The following SDK1 variants were observed in gnomAD, a reference collection of about 807,000 sequenced individuals.
SDK1 encodes protein sidekick-1.
Under a neutral mutation model 245.5 loss-of-function variants are expected in SDK1, and 157 were observed. The ratio of observed to expected loss-of-function variants is 0.64; its 90% CI spans 0.56 to 0.73. The LOEUF (loss-of-function observed/expected upper bound fraction) is 0.73, where lower values mean the gene tolerates loss of function less well. Among genes scored for constraint, SDK1 ranks in the 30% least tolerant of loss-of-function variants. The probability of loss-of-function intolerance (pLI) is 0.00; values close to 1 mark genes in which losing one functional copy is unlikely to be tolerated. For missense variants in SDK1, 3,583 were observed against 3,002.3 expected (o/e 1.19, Z -4.52); for synonymous variants, 1,647 against 1,278.5 (o/e 1.29, Z -6.15).
chr7:3,809,509 C>T (rs1220037180), intron 4 of SDK1, among the ~76,000 whole-genome samples: 1 of 152,112 alleles, frequency 6.6e-6, no homozygotes, highest in Non-Finnish European at 1.5e-5. Flanking sequence ...TGTCACTCGG[C>T]AATCGAAAAG....
rs546371165 is a variant in SDK1, at chr7:3,441,078, T to A, written c.298+139194T>A. 3.3e-5 allele frequency among the ~76,000 whole-genome samples: 5 copies of A among 152,310 alleles called. 1 individual carries two copies. Among genetic ancestry groups the A allele is most frequent in the African/African-American group, 1.2e-4 (5 of 41,566 alleles). Reference sequence around the variant, plus strand: ...CTACTTCATCTCATTACATAGGCATTGTACCATGTCACATCATTACAAGAA... The same window carrying A: ...CTACTTCATCTCATTACATAGGCATAGTACCATGTCACATCATTACAAGAA... On this transcript the variant is annotated intron_variant, in intron 1 of 44. Coordinates refer to ENST00000404826, the MANE Select transcript of SDK1 (RefSeq NM_152744.4).
At chr7:3,927,244 G>C (rs1779804942) in intron 5 of SDK1, among the ~76,000 whole-genome samples, 1 of 152,130 alleles carries the variant, frequency 6.6e-6, no homozygotes, top group Non-Finnish European at 1.5e-5. Context: ...TCTTAAAAAA[G>C]TAACGTTCCA....
At chr7:3,526,690 C>A (rs1316101377) in intron 1 of SDK1, among the ~76,000 whole-genome samples, 1 of 152,028 alleles carries the variant, frequency 6.6e-6, no homozygotes, top group East Asian at 1.9e-4. Flanking sequence ...TCAAGTTTTT[C>A]TTCATGCCAT....
intron 22 of SDK1, among the ~76,000 whole-genome samples, chr7:4,082,857 G>A (rs1230199679): frequency 2.0e-5 from 3 of 152,096 alleles, no homozygotes; most frequent in African/African-American, 7.2e-5. Context: ...CTGAGTTCAA[G>A]CGATCTGTCA....
At chr7:3,847,090 C>T (rs1482137693) in intron 5 of SDK1, among the ~76,000 whole-genome samples, 2 of 151,310 alleles carry the variant, frequency 1.3e-5, no homozygotes, top group African/African-American at 4.9e-5. Flanking sequence ...AAGCATTGTT[C>T]TTGTGGAGAG....
At chr7:4,193,886 A>G (rs1201409441) in intron 35 of SDK1, among the ~76,000 whole-genome samples, 1 of 152,136 alleles carries the variant, frequency 6.6e-6, no homozygotes, top group Admixed American at 6.6e-5. Flanking sequence ...TTCTCCACAC[A>G]TGGTCAGAGG....
At chr7:3,360,753 C>G (rs2128560555) in intron 1 of SDK1, among the ~76,000 whole-genome samples, 1 of 152,290 alleles carries the variant, frequency 6.6e-6, no homozygotes, top group South Asian at 2.1e-4. Context: ...TTCTGTCAGT[C>G]TGACTGTATT....
At chr7:3,818,388 T>G (rs1410473718) in intron 4 of SDK1, among the ~76,000 whole-genome samples, 1 of 152,212 alleles carries the variant, frequency 6.6e-6, no homozygotes, top group African/African-American at 2.4e-5. Flanking sequence ...GTTCTTTTCA[T>G]TACCTTCTGA....
intron 4 of SDK1, among the ~76,000 whole-genome samples, chr7:3,708,086 G>A (rs1352910343): frequency 6.6e-6 from 1 of 152,124 alleles, no homozygotes; most frequent in Non-Finnish European, 1.5e-5. Flanking sequence ...GAGGCCTCAG[G>A]AAACTTACAG....
rs746890860 is a variant in SDK1 at position 4,051,841 on chromosome 7, C to T, written c.2911+11C>T. On this transcript the variant is annotated intron_variant, in intron 19 of 44. Transcript: ENST00000404826. ...GGACTCAGGAAGACAGTGAGTATTC[C>T]TTTCTGCGTGTCTCTTAAGTCACTT... 1.7e-5 allele frequency: 28 copies of T among 1,600,086 alleles called. No individual in the cohort carries two copies. Among genetic ancestry groups the T allele is most frequent in the Non-Finnish European group, 2.3e-5 (27 of 1,171,148 alleles).
Position 4,074,912 on chromosome 7 carries a change from A to T in SDK1, c.3011-2086A>T, listed in dbSNP as rs1170896004. Among the ~76,000 whole-genome samples, 140 of 76,514 alleles carry T rather than the reference A, an allele frequency of 1.8e-3. 3 individuals are homozygous for T. Among genetic ancestry groups the T allele is most frequent in the African/African-American group, 0.013 (121 of 9,676 alleles). The allele number at this position is 76,514 out of a possible 152,430, so 50.2% of individuals were successfully genotyped here. A position where few individuals can be genotyped will look rare whatever the true frequency, so the allele number is the denominator to read the frequency against. On this transcript the variant is annotated intron_variant, in intron 20 of 44. Transcript: ENST00000404826. ...TATATATATATATATATATATATAT[A>T]TATATTTTTTTTTTTTTTTAATAAA...
chr7:4,054,975 A>C (rs951163765), intron 19 of SDK1, among the ~76,000 whole-genome samples: 2 of 152,120 alleles, frequency 1.3e-5, no homozygotes, highest in Non-Finnish European at 2.9e-5. Context: ...AATTCTTTTC[A>C]TATGCTGTTG....
At chr7:4,032,722 A>G (rs1186905326) in intron 17 of SDK1, among the ~76,000 whole-genome samples, 3 of 152,238 alleles carry the variant, frequency 2.0e-5, no homozygotes, top group Non-Finnish European at 4.4e-5. Flanking sequence ...TCCCATTTAC[A>G]ATAACAGAAT....
intron 5 of SDK1, among the ~76,000 whole-genome samples, chr7:3,853,983 G>A (rs1050689798): frequency 3.9e-5 from 6 of 151,910 alleles, no homozygotes; most frequent in African/African-American, 1.5e-4. Context: ...GCAAGACTCC[G>A]TCTCAAAAAA....
rs150183506 is a variant in SDK1, at chr7:4,130,993, G to T, written c.4129+896G>T. ...TGAGAGAGTGCCACCCCTGATCCTCGCCTCGCCTCACGGAGAGACGGGAAC... is the reference window on the plus strand; with the variant it reads ...TGAGAGAGTGCCACCCCTGATCCTCTCCTCGCCTCACGGAGAGACGGGAAC... On this transcript the variant is annotated intron_variant, in intron 27 of 44. Transcript: ENST00000404826. 3.4e-3 allele frequency among the ~76,000 whole-genome samples: 516 copies of T among 152,144 alleles called. 2 individuals are homozygous for T. Among genetic ancestry groups the T allele is most frequent in the African/African-American group, 0.012 (495 of 41,506 alleles).
intron 43 of SDK1, 96 bp downstream of exon 43, chr7:4,242,009 C>G (rs1786555255): frequency 4.8e-6 from 7 of 1,456,438 alleles, no homozygotes; most frequent in Non-Finnish European, 6.5e-6. Context: ...GCATCCCGCC[C>G]TGTGGTTCCA....
intron 1 of SDK1, among the ~76,000 whole-genome samples, chr7:3,327,565 A>G (rs868560545): frequency 2.0e-5 from 3 of 152,110 alleles, no homozygotes; most frequent in Admixed American, 1.3e-4. Context: ...GTTTTGCCAT[A>G]TAAGAAAATA....
At chr7:3,977,900 G>C (rs1206903555) in intron 13 of SDK1, among the ~76,000 whole-genome samples, 1 of 152,202 alleles carries the variant, frequency 6.6e-6, no homozygotes, top group Non-Finnish European at 1.5e-5. Context: ...GTCTGCCTTG[G>C]TGGCCCATTG....
Position 3,813,200 on chromosome 7 carries a change from C to T in SDK1, c.714-8250C>T, listed in dbSNP as rs370610874. ...TATGTATACATGTGCCATGCTGGTG[C>T]GCTGCACCCACTAACTCGTCATCTA... On this transcript the variant is annotated intron_variant, in intron 4 of 44. Coordinates refer to ENST00000404826, the MANE Select transcript of SDK1 (RefSeq NM_152744.4). Among the ~76,000 whole-genome samples the T allele has an allele frequency of 1.1e-3, 156 of 148,330 alleles. 1 individual carries two copies. In the East Asian group the frequency reaches 0.018, roughly 17 times the overall value.
Sources: gnomAD v4.1 joint callset for allele counts (sites outside exome capture counted in the v4.1 genomes callset) on GRCh38, gnomAD v4.1.1 for gene constraint, MANE v1.5 for transcripts, NCBI Gene and HGNC (gene_info 2026-07-23, HGNC 2026-07-21) for gene names.